The following ACTR2 variants were observed in gnomAD, a reference collection of about 807,000 sequenced individuals.
ACTR2 encodes the protein actin-related protein 2.
Under a neutral mutation model 50.2 loss-of-function variants are expected in ACTR2, and 5 were observed. The observed-to-expected ratio is 0.10, with a 90% CI of 0.05 to 0.21. The LOEUF is 0.21. Among genes scored for constraint, ACTR2 ranks in the 10% least tolerant of loss-of-function variants. The pLI is 1.00. For missense variants in ACTR2, 180 were observed against 480.6 expected (o/e 0.37, Z 5.85); for synonymous variants, 140 against 162.9 (o/e 0.86, Z 1.07).
chr2:65,240,047 T>G (rs1671812193), intron 2 of ACTR2, 85 bp downstream of exon 2: 2 of 899,704 alleles, frequency 2.2e-6, no homozygotes, highest in African/African-American at 1.7e-5. Context: ...TTAAGTAGTT[T>G]TAAAATATGT....
intron 3 of ACTR2, 75 bp downstream of exon 3, chr2:65,246,814 C>G (rs1035986178): frequency 9.8e-7 from 1 of 1,020,444 alleles, no homozygotes; most frequent in Non-Finnish European, 1.5e-6. Flanking sequence ...CTTACTGTTG[C>G]TATGGATAAA....
intron 1 of ACTR2, chr2:65,228,459 A>G (rs542932510): frequency 1.3e-5 from 2 of 148,578 alleles, no homozygotes; most frequent in Admixed American, 6.8e-5. Flanking sequence ...AAGTGCTGTC[A>G]TGGAGTGTGG....
At chr2:65,256,790 T>A (rs2104011402) in intron 6 of ACTR2, among the ~76,000 whole-genome samples, 1 of 151,598 alleles carries the variant, frequency 6.6e-6, no homozygotes, top group East Asian at 1.9e-4. Flanking sequence ...GAGAATTGCT[T>A]CAACCCAGGA....
chr2:65,235,619 G>A (rs1176311189), intron 1 of ACTR2, among the ~76,000 whole-genome samples: 2 of 152,184 alleles, frequency 1.3e-5, no homozygotes, highest in East Asian at 1.9e-4. Flanking sequence ...GCCAGGTGCA[G>A]TGGCGAGCGC....
At chr2:65,243,437 C>T (rs1316775010) in intron 2 of ACTR2, among the ~76,000 whole-genome samples, 3 of 152,062 alleles carry the variant, frequency 2.0e-5, no homozygotes, top group Non-Finnish European at 2.9e-5. Flanking sequence ...CAAGACCATC[C>T]TGGGCAACAT....
At chr2:65,244,027 A>C (rs1671889389) in intron 2 of ACTR2, among the ~76,000 whole-genome samples, 1 of 152,228 alleles carries the variant, frequency 6.6e-6, no homozygotes, top group Middle Eastern at 3.4e-3. Flanking sequence ...GTACTTCTTA[A>C]ATAAGTTAAT....
chr2:65,257,477 G>A (rs1307367242), intron 6 of ACTR2, among the ~76,000 whole-genome samples: 3 of 152,152 alleles, frequency 2.0e-5, no homozygotes, highest in East Asian at 3.8e-4. Context: ...TAATGGGATC[G>A]CTGGGTCAAA....
intron 1 of ACTR2, among the ~76,000 whole-genome samples, chr2:65,231,221 A>T (rs1671631401): frequency 6.6e-6 from 1 of 152,208 alleles, no homozygotes; most frequent in Non-Finnish European, 1.5e-5. Flanking sequence ...TAGTTATTTT[A>T]AAATTTTATG....
chr2:65,243,865 G>A (rs535620283), intron 2 of ACTR2, among the ~76,000 whole-genome samples: 6 of 152,092 alleles, frequency 3.9e-5, no homozygotes, highest in Admixed American at 1.3e-4. Context: ...GTTCAGTGGC[G>A]GGGCAGGTGG....
intron 2 of ACTR2, 71 bp downstream of exon 2, chr2:65,240,033 T>C: frequency 1.9e-6 from 2 of 1,040,138 alleles, no homozygotes; most frequent in South Asian, 1.4e-5. Context: ...GTTTAACAGT[T>C]CTTTTAAGTA....
chr2:65,243,990 A>G (rs1671888690), intron 2 of ACTR2, among the ~76,000 whole-genome samples: 1 of 152,146 alleles, frequency 6.6e-6, no homozygotes, highest in Non-Finnish European at 1.5e-5. Flanking sequence ...AAATTTTTTA[A>G]TTGGATAGCT....
chr2:65,246,391 T>C (rs953493689), intron 2 of ACTR2, 133 bp from the exon 3 acceptor site: 5 of 660,296 alleles, frequency 7.6e-6, no homozygotes, highest in Non-Finnish European at 1.0e-5. Flanking sequence ...TTGTTCTTGA[T>C]AGAAAAGATT....
chr2:65,262,318 C>T (rs1237180647), intron 7 of ACTR2, among the ~76,000 whole-genome samples: 2 of 152,084 alleles, frequency 1.3e-5, no homozygotes, highest in Admixed American at 1.3e-4. Flanking sequence ...CAACCTCTGC[C>T]TCCCGTTTTC....
rs1671610054 is a variant in ACTR2 at position 65,230,278 on chromosome 2, T to C, written c.48+2321T>C. ...TTTTGTGATTGTGTCAGATACTCTT[T>C]TTAGAAAGTCAAGCCAGTTATATTT... On this transcript the variant is annotated intron_variant, in intron 1 of 8. Coordinates refer to ENST00000260641, the MANE Select transcript of ACTR2 (RefSeq NM_005722.4). Among the ~76,000 whole-genome samples, 4 of 152,152 alleles carry C rather than the reference T, an allele frequency of 2.6e-5. No individual in the cohort carries two copies. The South Asian group carries it at 8.3e-4, about 32-fold the overall frequency.
At chr2:65,235,670 G>T (rs1671725872) in intron 1 of ACTR2, among the ~76,000 whole-genome samples, 1 of 152,128 alleles carries the variant, frequency 6.6e-6, no homozygotes, top group Non-Finnish European at 1.5e-5. Flanking sequence ...CAGGAGAATT[G>T]CTTGAACCCA....
intron 8 of ACTR2, among the ~76,000 whole-genome samples, chr2:65,268,117 G>C (rs181140992): frequency 6.9e-4 from 105 of 151,934 alleles, no homozygotes; most frequent in African/African-American, 2.5e-3. Context: ...GATTACACTT[G>C]AGCCACCACA....
chr2:65,251,776 A>G (rs891441623), intron 4 of ACTR2, among the ~76,000 whole-genome samples: 1 of 152,192 alleles, frequency 6.6e-6, no homozygotes, highest in Non-Finnish European at 1.5e-5. Context: ...TATATAGTAG[A>G]TTAAAAAGGA....
intron 8 of ACTR2, among the ~76,000 whole-genome samples, chr2:65,268,263 A>G (rs1274444617): frequency 6.6e-6 from 1 of 152,146 alleles, no homozygotes; most frequent in African/African-American, 2.4e-5. Flanking sequence ...GTGTTAAGTC[A>G]TGTAATTTAC....
At chr2:65,265,270 T>A in intron 8 of ACTR2, 95 bp downstream of exon 8, 1 of 1,411,300 alleles carries the variant, frequency 7.1e-7, no homozygotes, top group Non-Finnish European at 1.0e-6. Context: ...GCAAGACGTC[T>A]TCCAAAACAA....
Sources: gnomAD v4.1 joint callset for allele counts (sites outside exome capture counted in the v4.1 genomes callset) on GRCh38, gnomAD v4.1.1 for gene constraint, MANE v1.5 for transcripts, NCBI Gene and HGNC (gene_info 2026-07-23, HGNC 2026-07-21) for gene names.